PPP1CB: variants seen among roughly 807,000 people sequenced by gnomAD.
PPP1CB encodes the protein serine/threonine-protein phosphatase PP1-beta catalytic subunit.
A neutral mutation model predicts 43.7 loss-of-function variants in PPP1CB; 2 were observed. The observed-to-expected ratio is 0.05, with a 90% CI of 0.02 to 0.14. The LOEUF (loss-of-function observed/expected upper bound fraction) is 0.14. Ranked by LOEUF, PPP1CB falls within the 10% of genes least tolerant of loss-of-function variation. The pLI is 1.00. For synonymous variants in PPP1CB, 136 were observed against 135.6 expected (o/e 1.00, Z -0.02); for missense variants, 84 against 398.0 (o/e 0.21, Z 6.71).
chr2:28,777,089 A>G, intron 2 of PPP1CB, 107 bp downstream of exon 2: 1 of 1,176,040 alleles, frequency 8.5e-7, no homozygotes, highest in Non-Finnish European at 1.2e-6. Flanking sequence ...AAAACAGATC[A>G]GTAGGCTTTA....
rs182058085 is a variant in PPP1CB, at chr2:28,766,950, G to A, written c.53-9901G>A. On this transcript the variant is annotated intron_variant, in intron 1 of 7. Transcript: ENST00000395366. The stretch of plus-strand genomic sequence containing the variant: ...CAAAAAATTAGCCGGGCGTGGTGGC[G>A]GGCACCTGTGGTCCCAGCTACTTGG... Among the ~76,000 whole-genome samples, 669 of 151,944 alleles carry A rather than the reference G, an allele frequency of 4.4e-3. 7 individuals are homozygous for A. Among genetic ancestry groups the A allele is most frequent in the African/African-American group, 0.013 (555 of 41,428 alleles).
chr2:28,780,391 A>G (rs763061127), intron 3 of PPP1CB, among the ~76,000 whole-genome samples: 21 of 152,132 alleles, frequency 1.4e-4, no homozygotes, highest in Non-Finnish European at 2.5e-4. Flanking sequence ...GCGCCCAGCC[A>G]TGAGCTTACA....
chr2:28,780,627 A>G (rs781741645), intron 3 of PPP1CB, among the ~76,000 whole-genome samples: 2 of 152,212 alleles, frequency 1.3e-5, no homozygotes, highest in Admixed American at 6.5e-5. Context: ...AAATGAAATA[A>G]TGTATGGGAG....
chr2:28,753,746 T>G (rs1666406840), intron 1 of PPP1CB, among the ~76,000 whole-genome samples: 1 of 152,202 alleles, frequency 6.6e-6, no homozygotes, highest in South Asian at 2.1e-4. Context: ...TTTATTTTTA[T>G]TTTTTGAGAC....
At chr2:28,787,065 T>C (rs1417339850) in intron 5 of PPP1CB, among the ~76,000 whole-genome samples, 1 of 152,210 alleles carries the variant, frequency 6.6e-6, no homozygotes, top group African/African-American at 2.4e-5. Context: ...TATCAAGATA[T>C]GATGTACTGT....
intron 1 of PPP1CB, among the ~76,000 whole-genome samples, chr2:28,768,966 AT>A (rs1187606479): frequency 6.6e-6 from 1 of 152,240 alleles, no homozygotes; most frequent in Non-Finnish European, 1.5e-5. Flanking sequence ...ATATTGACTA[AT>A]AATTTTCCAA....
intron 4 of PPP1CB, 64 bp downstream of exon 4, chr2:28,781,906 T>A: frequency 9.2e-7 from 1 of 1,089,144 alleles, no homozygotes; most frequent in Non-Finnish European, 1.4e-6. Flanking sequence ...ATACCTATAA[T>A]AATCAAGAGG....
intron 1 of PPP1CB, among the ~76,000 whole-genome samples, chr2:28,764,395 G>A (rs1044025001): frequency 2.6e-5 from 4 of 151,046 alleles, no homozygotes; most frequent in African/African-American, 7.3e-5. Context: ...GGGAGGCAGA[G>A]CTTGCAGTGA....
intron 6 of PPP1CB, among the ~76,000 whole-genome samples, chr2:28,792,202 C>T (rs1010135766): frequency 1.3e-5 from 2 of 151,906 alleles, no homozygotes; most frequent in South Asian, 2.1e-4. Flanking sequence ...TAGCTGGGCA[C>T]GGTGGCACAT....
intron 7 of PPP1CB, 145 bp downstream of exon 7, chr2:28,794,142 T>C (rs1667446531): frequency 3.0e-6 from 2 of 660,580 alleles, no homozygotes; most frequent in East Asian, 2.9e-5. Context: ...TCATTAGATA[T>C]TTCTATTTTC....
chr2:28,757,411 A>G (rs983399924), intron 1 of PPP1CB, among the ~76,000 whole-genome samples: 1 of 152,134 alleles, frequency 6.6e-6, no homozygotes, highest in African/African-American at 2.4e-5. Flanking sequence ...TGAGATTTCT[A>G]GGTCATATGG....
intron 5 of PPP1CB, among the ~76,000 whole-genome samples, chr2:28,787,235 G>A (rs760503224): frequency 5.3e-5 from 8 of 151,986 alleles, no homozygotes; most frequent in Non-Finnish European, 1.0e-4. Flanking sequence ...CGAAGCGGGC[G>A]GATCACGAGG....
intron 5 of PPP1CB, among the ~76,000 whole-genome samples, chr2:28,786,768 C>T (rs1339676973): frequency 4.1e-5 from 3 of 74,068 alleles, no homozygotes; most frequent in Non-Finnish European, 8.2e-5. Flanking sequence ...GAGCGAGACT[C>T]CGTCTCAAAA....
intron 1 of PPP1CB, among the ~76,000 whole-genome samples, chr2:28,755,051 G>GT (rs1001772984): frequency 6.6e-6 from 1 of 151,332 alleles, no homozygotes; most frequent in Non-Finnish European, 1.5e-5. Context: ...AGTTTTTTTT[G>GT]TTTTTTGTTT....
chr2:28,763,678 A>AGGCCATTT (rs1173069217), intron 1 of PPP1CB, among the ~76,000 whole-genome samples: 1 of 150,114 alleles, frequency 6.7e-6, no homozygotes, highest in Non-Finnish European at 1.5e-5. Context: ...GAGCCACTAA[A>AGGCCATTT]GGCCATTTTG....
Position 28,801,518 on chromosome 2 carries a change from A to G in PPP1CB, c.*2215A>G, listed in dbSNP as rs1667616020. ...TGGTCATTAAATTTAAAGGATGGAA[A>G]TTTATCATGTTTAAAAATTATTCAA... is the stretch of plus-strand genomic sequence containing the variant. On this transcript the variant is annotated 3_prime_UTR_variant, in exon 8 of 8. Transcript: ENST00000395366. 6.6e-6 allele frequency: 1 copy of G among 152,044 alleles called. No homozygotes were observed. The highest frequency in any genetic ancestry group is 2.1e-4 in the South Asian group (1 of 4,828). 9.4% of individuals were successfully genotyped at this position (152,044 alleles called of 1,614,324 possible).
intron 1 of PPP1CB, among the ~76,000 whole-genome samples, chr2:28,770,381 A>AGGGGGG (rs113131889): frequency 5.0e-5 from 5 of 99,404 alleles, no homozygotes; most frequent in Admixed American, 3.5e-4. Flanking sequence ...AGTAAAAAAA[A>AGGGGGG]GGGGGGGGGG....
chr2:28,776,240 G>T (rs1028191507), intron 1 of PPP1CB, among the ~76,000 whole-genome samples: 14 of 145,712 alleles, frequency 9.6e-5, no homozygotes, highest in Admixed American at 6.8e-4. Context: ...TGTTTTTTTT[G>T]TTGTTGTTTT....
At chr2:28,771,052 A>G (rs199967209) in intron 1 of PPP1CB, among the ~76,000 whole-genome samples, 1 of 20,570 alleles carries the variant, frequency 4.9e-5, no homozygotes, top group Non-Finnish European at 9.2e-5. Flanking sequence ...CCCCCCCCCC[A>G]CCCTTTTTTT....
Sources: gnomAD v4.1 joint callset for allele counts (sites outside exome capture counted in the v4.1 genomes callset) on GRCh38, gnomAD v4.1.1 for gene constraint, MANE v1.5 for transcripts, NCBI Gene and HGNC (gene_info 2026-07-23, HGNC 2026-07-21) for gene names.